MAF: variants seen among roughly 807,000 people sequenced by gnomAD.
MAF encodes the protein MAF bZIP transcription factor.
Under a neutral mutation model 22.0 loss-of-function variants are expected in MAF, and 10 were observed. That is an observed-to-expected ratio of 0.45 (90% CI 0.28 to 0.77). MAF has a LOEUF of 0.77. MAF is among the 30% of genes least tolerant of loss of function. MAF has a pLI of 0.12. For synonymous variants in MAF, 337 were observed against 255.8 expected (o/e 1.32, Z -3.03); for missense variants, 544 against 548.4 (o/e 0.99, Z 0.08).
the MAF span, among the ~76,000 whole-genome samples, chr16:79,531,112 A>G: frequency 6.6e-6 from 1 of 152,242 alleles, no homozygotes; most frequent in Non-Finnish European, 1.5e-5. Context: ...TTAACTTTCT[A>G]GATGAAAATC....
chr16:79,321,650 T>C, the MAF span, among the ~76,000 whole-genome samples: 4 of 130,140 alleles, frequency 3.1e-5, no homozygotes, highest in East Asian at 2.1e-4. Context: ...TTTTTCTTTT[T>C]TTTTTTTTTT....
the MAF span, among the ~76,000 whole-genome samples, chr16:79,237,667 GT>G: frequency 0.12 from 17,911 of 152,122 alleles, 1,236 homozygotes; most frequent in Middle Eastern, 0.23. Context: ...CTATCCTATA[GT>G]TTTCTCAGCT....
At chr16:79,554,524 A>G in the MAF span, among the ~76,000 whole-genome samples, 2 of 152,172 alleles carry the variant, frequency 1.3e-5, no homozygotes, top group Non-Finnish European at 2.9e-5. Flanking sequence ...TTTAGAAAAG[A>G]GCATGTAACA....
the MAF span, among the ~76,000 whole-genome samples, chr16:79,334,370 G>A: frequency 1.6e-4 from 25 of 152,294 alleles, no homozygotes; most frequent in East Asian, 7.7e-4. Context: ...ACAGTCCCAT[G>A]TGCGCGCTGT....
chr16:79,574,783 T>C, the MAF span, among the ~76,000 whole-genome samples: 3 of 152,152 alleles, frequency 2.0e-5, no homozygotes, highest in African/African-American at 7.2e-5. Context: ...TTATAAAGAA[T>C]AGCATTGATG....
the MAF span, among the ~76,000 whole-genome samples, chr16:79,226,647 G>A: frequency 1.2e-4 from 18 of 151,798 alleles, no homozygotes; most frequent in Admixed American, 7.2e-4. Flanking sequence ...CTACAAATAC[G>A]TATTGAGAGA....
the MAF span, among the ~76,000 whole-genome samples, chr16:79,552,674 A>C: frequency 1.3e-5 from 2 of 152,000 alleles, no homozygotes; most frequent in African/African-American, 2.4e-5. Context: ...GGCTCTCATG[A>C]TTTGTCTTCA....
the MAF span, among the ~76,000 whole-genome samples, chr16:79,258,447 C>G: frequency 8.0e-3 from 1,212 of 152,288 alleles, 9 homozygotes; most frequent in African/African-American, 0.028. Context: ...CCAGGGAGAG[C>G]CTTGTGGGGT....
chr16:79,271,198 G>A, the MAF span, among the ~76,000 whole-genome samples: 1 of 151,988 alleles, frequency 6.6e-6, no homozygotes, highest in African/African-American at 2.4e-5. Flanking sequence ...TTATAGGCGT[G>A]AGCCACCGCA....
the MAF span, among the ~76,000 whole-genome samples, chr16:79,350,272 C>G: frequency 6.6e-6 from 1 of 152,124 alleles, no homozygotes. Flanking sequence ...TTCTAAAAGC[C>G]CACTATGTGC....
At chr16:79,335,770 G>A in the MAF span, among the ~76,000 whole-genome samples, 1 of 152,220 alleles carries the variant, frequency 6.6e-6, no homozygotes, top group Non-Finnish European at 1.5e-5. Flanking sequence ...GATGGGTCTT[G>A]GCTGCTGGCT....
At chr16:79,275,312 C>G in the MAF span, among the ~76,000 whole-genome samples, 1 of 152,198 alleles carries the variant, frequency 6.6e-6, no homozygotes, top group Non-Finnish European at 1.5e-5. Flanking sequence ...TGCCATTGCA[C>G]TCCAGCCTGG....
chr16:79,533,948 A>T, the MAF span, among the ~76,000 whole-genome samples: 1 of 152,212 alleles, frequency 6.6e-6, no homozygotes, highest in Non-Finnish European at 1.5e-5. Context: ...GAGGGCAAGG[A>T]AAGCCTGGGA....
At chr16:79,559,612 C>T in the MAF span, among the ~76,000 whole-genome samples, 4 of 151,448 alleles carry the variant, frequency 2.6e-5, no homozygotes, top group Non-Finnish European at 4.4e-5. Flanking sequence ...TAATTTACTT[C>T]AAGAGTAAAT....
the MAF span, among the ~76,000 whole-genome samples, chr16:79,278,738 G>T: frequency 3.3e-5 from 5 of 152,156 alleles, no homozygotes; most frequent in Non-Finnish European, 5.9e-5. Context: ...CAGGAAGCCT[G>T]TCGAGCTACC....
the MAF span, among the ~76,000 whole-genome samples, chr16:79,437,070 A>G: frequency 6.6e-6 from 1 of 152,106 alleles, no homozygotes; most frequent in East Asian, 1.9e-4. Flanking sequence ...CCACACTGTT[A>G]ATAACCTCGG....
At chr16:79,259,507 G>A in the MAF span, among the ~76,000 whole-genome samples, 3 of 152,144 alleles carry the variant, frequency 2.0e-5, no homozygotes, top group Non-Finnish European at 2.9e-5. Context: ...ATGACACTAA[G>A]TGCTTGTCCT....
the MAF span, among the ~76,000 whole-genome samples, chr16:79,523,753 C>A: frequency 6.6e-6 from 1 of 152,290 alleles, no homozygotes; most frequent in East Asian, 1.9e-4. Flanking sequence ...TCGTGCAATG[C>A]CATATACATC....
At chr16:79,358,037 C>A in the MAF span, among the ~76,000 whole-genome samples, 2 of 152,198 alleles carry the variant, frequency 1.3e-5, no homozygotes, top group African/African-American at 4.8e-5. Context: ...CACTTTGCCA[C>A]CAAGCAGTAC....
Sources: allele counts gnomAD v4.1 joint callset (sites outside exome capture counted in the v4.1 genomes callset), GRCh38; gene constraint gnomAD v4.1.1; transcripts MANE v1.5; gene names NCBI Gene and HGNC (gene_info 2026-07-23, HGNC 2026-07-21).